The following SDHA variants were observed in gnomAD, a reference collection of about 807,000 sequenced individuals.
SDHA encodes succinate dehydrogenase [ubiquinone] flavoprotein subunit, mitochondrial.
A neutral mutation model predicts 78.4 loss-of-function variants in SDHA; 48 were observed. The ratio of observed to expected loss-of-function variants is 0.61; its 90% CI spans 0.49 to 0.78. The LOEUF (loss-of-function observed/expected upper bound fraction) is 0.78, where lower values mean the gene tolerates loss of function less well. Among genes scored for constraint, SDHA ranks in the 30% least tolerant of loss-of-function variants. SDHA has a pLI of 0.00. For missense variants in SDHA, 680 were observed against 892.7 expected (o/e 0.76, Z 3.04); for synonymous variants, 326 against 353.9 (o/e 0.92, Z 0.88).
At chr5:260,717 G>A (rs368436877), downstream of SDHA, among the ~76,000 whole-genome samples, 1 of 6,682 alleles carries the variant, frequency 1.5e-4, no homozygotes, top group Non-Finnish European at 3.1e-4. Flanking sequence ...TCCGCCTCCC[G>A]ACAGAGCATT....
intron 11 of SDHA, among the ~76,000 whole-genome samples, chr5:248,751 T>C (rs3948431): frequency 0.24 from 36,645 of 152,158 alleles, 6,888 homozygotes; most frequent in African/African-American, 0.53. Context: ...TTGATTGATC[T>C]CCTAAGGGGA....
In SDHA at chr5:236,565, A is replaced by C. The variant is rs878854626; in HGVS notation, c.1398A>C (p.Ala466=). Residue 466 remains alanine (A), a synonymous_variant, in exon 10 of 15, where the codon GCA becomes GCC. Coordinates refer to ENST00000264932, the MANE Select transcript of SDHA (RefSeq NM_004168.4). ...SLLDLVVFGR[A]CALSIEESCR... ...TGGACCTGGTTGTCTTTGGTCGGGC[A>C]TGTGCCCTGAGCATCGAAGAGTCAT... 6.2e-7 allele frequency: 1 copy of C among 1,614,034 alleles called. No homozygotes were observed. Among genetic ancestry groups the C allele is most frequent in the Non-Finnish European group, 8.5e-7 (1 of 1,179,878 alleles).
At chr5:235,111 T>C (rs774007693) in intron 8 of SDHA, 33 bp from the exon 9 acceptor site, 2 of 1,609,018 alleles carry the variant, frequency 1.2e-6, no homozygotes, top group African/African-American at 2.7e-5. Context: ...GTTGCCGTTC[T>C]CTGCCGTATG....
chr5:239,327 C>T (rs1203788520), intron 10 of SDHA, among the ~76,000 whole-genome samples: 3 of 152,058 alleles, frequency 2.0e-5, no homozygotes, highest in African/African-American at 7.2e-5. Flanking sequence ...CTTTGGGAAG[C>T]CAAGGCAGGT....
At chr5:262,278 CGCCTCCCG>C in the SDHA span, among the ~76,000 whole-genome samples, 1 of 133,928 alleles carries the variant, frequency 7.5e-6, no homozygotes, top group Non-Finnish European at 1.6e-5. Flanking sequence ...GTGTGAGCTC[CGCCTCCCG>C]ACAGAGCATT....
downstream of SDHA, among the ~76,000 whole-genome samples, chr5:259,826 G>A (rs1207213613): frequency 3.8e-5 from 1 of 26,000 alleles, no homozygotes; most frequent in Non-Finnish European, 6.4e-5. Flanking sequence ...CCTCCCGTCC[G>A]AGCATTACCG....
chr5:230,109 G>A (rs1297491573), intron 6 of SDHA, among the ~76,000 whole-genome samples: 14 of 152,174 alleles, frequency 9.2e-5, no homozygotes, highest in Non-Finnish European at 1.5e-4. Context: ...TCCAAAAAAA[G>A]GATAATTGTA....
chr5:228,369 A>G (rs1302553927), intron 6 of SDHA, 36 bp downstream of exon 6: 24 of 1,585,916 alleles, frequency 1.5e-5, no homozygotes, highest in Non-Finnish European at 2.0e-5. Flanking sequence ...TTGTTTATAA[A>G]AATGAATAAA....
Position 254,421 on chromosome 5 carries a change from A to G in SDHA, c.1823A>G (p.Lys608Arg). ...KVRIDEYDYS[K>R]PIQGQQKKPF... ...CGGATTGATGAGTACGATTACTCCAAGCCCATCCAGGGGCAACAGAAGAAG... is the reference window on the plus strand; with the variant it reads ...CGGATTGATGAGTACGATTACTCCAGGCCCATCCAGGGGCAACAGAAGAAG... The change falls in exon 14 of 15, where the codon AAG becomes AGG. Residue 608 changes from lysine to arginine, a missense_variant. Lys to Arg is a conservative substitution (Grantham distance 26). Coordinates refer to ENST00000264932, the MANE Select transcript of SDHA (RefSeq NM_004168.4). 6.2e-7 allele frequency: 1 copy of G among 1,603,824 alleles called. No individual in the cohort carries two copies. The highest frequency in any genetic ancestry group is 8.5e-7 in the Non-Finnish European group (1 of 1,175,240).
At chr5:226,699 C>T (rs562739594) in intron 5 of SDHA, among the ~76,000 whole-genome samples, 3 of 151,848 alleles carry the variant, frequency 2.0e-5, no homozygotes, top group Non-Finnish European at 2.9e-5. Flanking sequence ...GAGGCCTAGG[C>T]GGGCAGATCA....
chr5:234,673 C>G (rs7708182), intron 8 of SDHA: 44,303 of 213,378 alleles, frequency 0.21, 7,696 homozygotes, highest in African/African-American at 0.52. Context: ...AAAACTTAAA[C>G]GTAAAACTTG....
At chr5:223,754 T>C (rs971989009) in intron 2 of SDHA, among the ~76,000 whole-genome samples, 186 bp downstream of exon 2, 4 of 152,050 alleles carry the variant, frequency 2.6e-5, no homozygotes, top group African/African-American at 9.7e-5. Flanking sequence ...AACATAGATG[T>C]TTACATTTTT....
chr5:248,681 T>G (rs949318711), intron 11 of SDHA, among the ~76,000 whole-genome samples: 2 of 152,140 alleles, frequency 1.3e-5, no homozygotes, highest in African/African-American at 4.8e-5. Context: ...CGTACATGTT[T>G]GGGAAGATTG....
intron 10 of SDHA, 33 bp from the exon 11 acceptor site, chr5:240,325 C>T (rs768672384): frequency 1.2e-5 from 18 of 1,443,818 alleles, no homozygotes; most frequent in Middle Eastern, 4.0e-4. Context: ...AAACGGTTTT[C>T]AAAAGTTAAA....
chr5:255,487 A>G (rs1332666584), intron 14 of SDHA, among the ~76,000 whole-genome samples: 3 of 151,688 alleles, frequency 2.0e-5, no homozygotes, highest in Non-Finnish European at 4.4e-5. Context: ...ATAGAGTCTC[A>G]TCTCTGTTGC....
chr5:241,853 G>A (rs572626992), intron 11 of SDHA, among the ~76,000 whole-genome samples: 78 of 152,362 alleles, frequency 5.1e-4, no homozygotes, highest in Non-Finnish European at 9.8e-4. Flanking sequence ...GAAGAACAGT[G>A]TGACTAAGGC....
At chr5:261,573 C>T (rs1579456057), downstream of SDHA, among the ~76,000 whole-genome samples, 2 of 49,166 alleles carry the variant, frequency 4.1e-5, no homozygotes, top group Admixed American at 1.7e-4. Flanking sequence ...GTGTGAGCTC[C>T]GCCTCCCGCC....
intron 11 of SDHA, among the ~76,000 whole-genome samples, chr5:248,804 A>C (rs1245596289): frequency 6.6e-6 from 1 of 152,220 alleles, no homozygotes; most frequent in Non-Finnish European, 1.5e-5. Flanking sequence ...TGCCACGGCC[A>C]CACTATGTTC....
intron 11 of SDHA, chr5:249,136 G>C: frequency 2.4e-6 from 1 of 414,538 alleles, no homozygotes; most frequent in South Asian, 1.7e-5. Flanking sequence ...GCTGCAGACA[G>C]ATTAGCAGCT....
Sources: allele counts gnomAD v4.1 joint callset (sites outside exome capture counted in the v4.1 genomes callset), GRCh38; gene constraint gnomAD v4.1.1; transcripts MANE v1.5; gene names NCBI Gene and HGNC (gene_info 2026-07-23, HGNC 2026-07-21).